CELF2: variants seen among roughly 807,000 people sequenced by gnomAD.
CELF2 encodes CUG triplet repeat RNA-binding protein 2.
In CELF2, 8 loss-of-function variants were observed where a neutral mutation model predicts 62.6. The ratio of observed to expected loss-of-function variants is 0.13; its 90% CI spans 0.07 to 0.23. The LOEUF (loss-of-function observed/expected upper bound fraction) is 0.23. Ranked by LOEUF, CELF2 falls within the 10% of genes least tolerant of loss-of-function variation. The pLI, the probability that CELF2 is intolerant of heterozygous loss-of-function variation, is 1.00. For missense variants in CELF2, 333 were observed against 671.0 expected (o/e 0.50, Z 5.56); for synonymous variants, 258 against 250.0 (o/e 1.03, Z -0.30).
At chr10:11,171,954 C>T (rs1482666577) in intron 2 of CELF2, among the ~76,000 whole-genome samples, 2 of 152,130 alleles carry the variant, frequency 1.3e-5, no homozygotes, top group African/African-American at 4.8e-5. Flanking sequence ...TTCCTAAAAA[C>T]ATGTCCGAAA....
chr10:10,653,207 AT>A, the CELF2 span, among the ~76,000 whole-genome samples: 1 of 152,188 alleles, frequency 6.6e-6, no homozygotes, highest in East Asian at 1.9e-4. Context: ...GGGAACCAAG[AT>A]TCATAAAGCA....
the CELF2 span, among the ~76,000 whole-genome samples, chr10:10,787,226 T>TCACACACACACACACACACACA: frequency 2.8e-5 from 4 of 143,952 alleles, no homozygotes; most frequent in African/African-American, 1.0e-4. Context: ...AGGTTTGATG[T>TCACACACACACACACACACACA]CACACACACA....
At chr10:10,710,258 C>G in the CELF2 span, among the ~76,000 whole-genome samples, 1 of 152,152 alleles carries the variant, frequency 6.6e-6, no homozygotes, top group Non-Finnish European at 1.5e-5. Context: ...ATGCATTTCT[C>G]AAAATACTCA....
At chr10:10,705,650 C>G in the CELF2 span, among the ~76,000 whole-genome samples, 1 of 152,144 alleles carries the variant, frequency 6.6e-6, no homozygotes, top group Non-Finnish European at 1.5e-5. Flanking sequence ...TCTTTCCCCC[C>G]AAAAGCTTCT....
At chr10:10,970,267 A>G (rs2050623802) in intron 2 of CELF2, among the ~76,000 whole-genome samples, 1 of 152,034 alleles carries the variant, frequency 6.6e-6, no homozygotes, top group Non-Finnish European at 1.5e-5. Flanking sequence ...GGGTTTCACC[A>G]TGTTGGCCAG....
At chr10:11,030,754 A>G (rs574897701) in intron 1 of CELF2, 3 of 152,372 alleles carry the variant, frequency 2.0e-5, no homozygotes, top group South Asian at 2.1e-4. Flanking sequence ...GTTCTTAGCT[A>G]TGACCCAGCA....
rs1054324021 is a variant in CELF2, at chr10:11,227,535, A to G, written c.354+10028A>G. Reference sequence around the variant, plus strand: ...GGCCAGTTAGGATCAAAGGCTGAGCACTGGCTGCGATATTAGGGCCAGTTC... The same window carrying G: ...GGCCAGTTAGGATCAAAGGCTGAGCGCTGGCTGCGATATTAGGGCCAGTTC... On this transcript the variant is annotated intron_variant, in intron 3 of 12. Coordinates refer to ENST00000633077, the MANE Select transcript of CELF2 (RefSeq NM_001326342.2). This position sits in a 1 kb window ranked among gnomAD's most constrained non-coding sequence, Gnocchi z 4.8. 6.6e-6 allele frequency among the ~76,000 whole-genome samples: 1 copy of G among 152,228 alleles called. No individual in the cohort carries two copies. The highest frequency in any genetic ancestry group is 1.5e-5 in the Non-Finnish European group (1 of 68,032).
the CELF2 span, among the ~76,000 whole-genome samples, chr10:10,694,005 A>G: frequency 0.23 from 33,955 of 149,388 alleles, 4,022 homozygotes; most frequent in South Asian, 0.43. Context: ...TTGTGTCTCT[A>G]TTTCCTTCAG....
chr10:10,704,196 C>T, the CELF2 span, among the ~76,000 whole-genome samples: 10 of 152,128 alleles, frequency 6.6e-5, no homozygotes, highest in Non-Finnish European at 1.5e-4. Context: ...ATGAAACAAG[C>T]GACAGTACAC....
the CELF2 span, among the ~76,000 whole-genome samples, chr10:10,729,046 T>A: frequency 9.9e-5 from 15 of 152,230 alleles, no homozygotes; most frequent in African/African-American, 3.4e-4. Flanking sequence ...AGATGTAATT[T>A]GGCTCCATAA....
At chr10:10,825,178 A>G (rs1564675480) in intron 1 of CELF2, among the ~76,000 whole-genome samples, 1 of 151,632 alleles carries the variant, frequency 6.6e-6, no homozygotes, top group East Asian at 1.9e-4. Context: ...AAGGATACCG[A>G]TTTTTTTTGT....
the CELF2 span, among the ~76,000 whole-genome samples, chr10:10,622,646 C>A: frequency 2.6e-5 from 4 of 151,932 alleles, 1 homozygote; most frequent in South Asian, 4.2e-4. Flanking sequence ...CAGAATGAGA[C>A]CCTGTGTCCA....
chr10:10,922,778 A>G (rs959901651), intron 2 of CELF2: 20 of 152,176 alleles, frequency 1.3e-4, no homozygotes, highest in African/African-American at 4.8e-4. Flanking sequence ...ATTTGCAATC[A>G]CTGTACTGCC....
At chr10:10,902,210 A>G (rs1404629723) in intron 1 of CELF2, among the ~76,000 whole-genome samples, 1 of 152,234 alleles carries the variant, frequency 6.6e-6, no homozygotes, top group Non-Finnish European at 1.5e-5. Flanking sequence ...CACATCTACC[A>G]TTTGATACAG....
chr10:11,065,627 A>G (rs1204359616), intron 1 of CELF2, among the ~76,000 whole-genome samples: 1 of 152,234 alleles, frequency 6.6e-6, no homozygotes, highest in East Asian at 1.9e-4. Flanking sequence ...ACTTAAATCT[A>G]AAATATGAAG....
the CELF2 span, among the ~76,000 whole-genome samples, chr10:10,650,960 C>A: frequency 1.3e-5 from 2 of 151,942 alleles, no homozygotes; most frequent in African/African-American, 2.4e-5. Flanking sequence ...TCTGAGGTAC[C>A]GGGTTCATCT....
chr10:11,321,264 G>C lies in CELF2; in HGVS notation c.1172G>C (p.Gly391Ala). ...GATGLTNGTA[G>A]TMDALTQAYS... ...ACAGGCTTGACGAATGGCACGGCTG[G>C]CACCATGGACGCCCTCACCCAGGCC... The change falls in exon 11 of 13, where the codon GGC (glycine) becomes GCC (alanine). Residue 391 changes from glycine to alanine, a missense_variant. Transcript: ENST00000633077. The surrounding 1 kb of genome is among the most constrained non-coding windows in gnomAD (Gnocchi z 6.2). 6.2e-7 allele frequency: 1 copy of C among 1,614,032 alleles called. No homozygotes were observed. Among genetic ancestry groups the C allele is most frequent in the Non-Finnish European group, 8.5e-7 (1 of 1,180,014 alleles).
chr10:10,689,467 A>G, the CELF2 span, among the ~76,000 whole-genome samples: 11 of 148,876 alleles, frequency 7.4e-5, no homozygotes, highest in African/African-American at 2.5e-4. Flanking sequence ...GCTAAACCAT[A>G]TCACCTTTGC....
At position 11,314,411 on chromosome 10, in the gene CELF2, G is replaced by C. The variant is rs1430277440; in HGVS notation, c.1096+153G>C. The C allele has an allele frequency of 1.0e-6, 1 of 954,896 alleles. No homozygotes were observed. The highest frequency in any genetic ancestry group is 1.6e-6 in the Non-Finnish European group (1 of 608,120). 59.2% of individuals were successfully genotyped at this position (954,896 alleles called of 1,614,324 possible). On this transcript the variant is annotated intron_variant, in intron 10 of 12. Coordinates refer to ENST00000633077, the MANE Select transcript of CELF2 (RefSeq NM_001326342.2). The surrounding 1 kb of genome is among the most constrained non-coding windows in gnomAD (Gnocchi z 5.3). ...GGAGCACATGCTTTGATAGGCAAAA[G>C]CTGTCTACACTCGTTTTGCCTCAGA...
Sources: allele counts gnomAD v4.1 joint callset (sites outside exome capture counted in the v4.1 genomes callset), GRCh38; gene constraint gnomAD v4.1.1; non-coding constraint Gnocchi (gnomAD v3.1); transcripts MANE v1.5; gene names NCBI Gene and HGNC (gene_info 2026-07-23, HGNC 2026-07-21).